Variants in CSMD1 observed in about 807,000 individuals in gnomAD.
CSMD1 encodes CUB and sushi domain-containing protein 1.
In CSMD1, 213 loss-of-function variants were observed where a neutral mutation model predicts 417.5. That is an observed-to-expected ratio of 0.51 (90% CI 0.46 to 0.57). CSMD1 has a LOEUF of 0.57. CSMD1 is among the 20% of genes least tolerant of loss of function. CSMD1 has a pLI of 0.00. For synonymous variants in CSMD1, 2,862 were observed against 1,736.8 expected (o/e 1.65, Z -16.11); for missense variants, 6,923 against 4,529.7 (o/e 1.53, Z -15.17).
intron 2 of CSMD1, among the ~76,000 whole-genome samples, chr8:4,454,696 T>G (rs1799364392): frequency 1.3e-5 from 2 of 152,246 alleles, no homozygotes; most frequent in Admixed American, 1.3e-4. Flanking sequence ...ACATAGCAGC[T>G]AATCAACCTG....
chr8:3,673,132 G>A (rs1799167525), intron 7 of CSMD1, among the ~76,000 whole-genome samples: 1 of 152,154 alleles, frequency 6.6e-6, no homozygotes, highest in Non-Finnish European at 1.5e-5. Context: ...TACAGAGTAG[G>A]AAGATATTAA....
chr8:4,161,822 T>G (rs1358057707), intron 3 of CSMD1, among the ~76,000 whole-genome samples: 2 of 152,234 alleles, frequency 1.3e-5, no homozygotes, highest in African/African-American at 4.8e-5. Flanking sequence ...CATAATCTGC[T>G]ATATGATATG....
intron 2 of CSMD1, among the ~76,000 whole-genome samples, chr8:4,535,009 C>T (rs973232913): frequency 5.9e-5 from 9 of 152,186 alleles, no homozygotes; most frequent in Non-Finnish European, 8.8e-5. Flanking sequence ...GATCTGCCTG[C>T]CTCAGCCTCC....
At chr8:3,498,271 C>G (rs912786410) in intron 10 of CSMD1, among the ~76,000 whole-genome samples, 8 of 152,130 alleles carry the variant, frequency 5.3e-5, no homozygotes, top group African/African-American at 1.7e-4. Flanking sequence ...ATTTATATTG[C>G]TATATCAAGG....
chr8:4,291,636 A>G (rs565595889), intron 3 of CSMD1, among the ~76,000 whole-genome samples: 37 of 152,196 alleles, frequency 2.4e-4, no homozygotes, highest in Non-Finnish European at 4.7e-4. Flanking sequence ...TTCTTAAATT[A>G]TAGCCGCAAT....
chr8:4,010,372 G>A (rs1041636636), intron 4 of CSMD1, among the ~76,000 whole-genome samples: 1 of 151,956 alleles, frequency 6.6e-6, no homozygotes. Flanking sequence ...TTTAAACTTC[G>A]GGCCCTCTGT....
At chr8:3,690,826 A>T (rs1277077094) in intron 7 of CSMD1, among the ~76,000 whole-genome samples, 1 of 152,222 alleles carries the variant, frequency 6.6e-6, no homozygotes, top group East Asian at 1.9e-4. Context: ...TAAACTAGCA[A>T]AATTGAGGTT....
chr8:3,332,992 G>A (rs964206020), intron 23 of CSMD1, among the ~76,000 whole-genome samples: 4 of 152,212 alleles, frequency 2.6e-5, no homozygotes, highest in Non-Finnish European at 4.4e-5. Flanking sequence ...TTGAAAGAGG[G>A]TCTGGCCTCC....
In CSMD1 at chr8:3,290,565, G is replaced by A. The variant is rs937323699; in HGVS notation, c.3951-6219C>T. On this transcript the variant is annotated intron_variant, in intron 25 of 69. Transcript: ENST00000635120. Reference sequence around the variant, plus strand: ...CATCCCTTGTAAGTTGGATTGCTAGGTATTTTGTTCTCTTTGAAGCAATTG... The same window carrying A: ...CATCCCTTGTAAGTTGGATTGCTAGATATTTTGTTCTCTTTGAAGCAATTG... Among the ~76,000 whole-genome samples, 4 of 146,090 alleles carry A rather than the reference G, an allele frequency of 2.7e-5. 1 individual carries two copies. Among genetic ancestry groups the A allele is most frequent in the African/African-American group, 8.3e-5 (3 of 36,222 alleles).
At chr8:4,978,298 G>A (rs1810681909) in intron 1 of CSMD1, among the ~76,000 whole-genome samples, 2 of 152,104 alleles carry the variant, frequency 1.3e-5, no homozygotes, top group South Asian at 2.1e-4. Flanking sequence ...TTCAACTCAA[G>A]GGTCCCTCTA....
intron 50 of CSMD1, among the ~76,000 whole-genome samples, chr8:3,034,769 G>A (rs1465001815): frequency 1.3e-5 from 2 of 152,094 alleles, no homozygotes; most frequent in Non-Finnish European, 2.9e-5. Flanking sequence ...AGTCTATAGG[G>A]ACATTTTCAT....
At chr8:4,417,289 A>T (rs189383321) in intron 3 of CSMD1, among the ~76,000 whole-genome samples, 5 of 152,180 alleles carry the variant, frequency 3.3e-5, no homozygotes, top group Admixed American at 1.3e-4. Flanking sequence ...CTCATTATGT[A>T]GCTTAATAGT....
chr8:4,407,376 G>A (rs1805104575), intron 3 of CSMD1, among the ~76,000 whole-genome samples: 1 of 152,148 alleles, frequency 6.6e-6, no homozygotes, highest in Non-Finnish European at 1.5e-5. Flanking sequence ...TATGACTCTT[G>A]TTTAACAGGC....
intron 3 of CSMD1, among the ~76,000 whole-genome samples, chr8:4,192,688 C>G (rs1051696605): frequency 8.5e-5 from 13 of 152,286 alleles, no homozygotes; most frequent in African/African-American, 2.6e-4. Flanking sequence ...AATCTTAAAT[C>G]TGTATTGCTC....
At chr8:3,846,053 G>C (rs1342568794) in intron 5 of CSMD1, among the ~76,000 whole-genome samples, 12 of 150,528 alleles carry the variant, frequency 8.0e-5, no homozygotes, top group Non-Finnish European at 1.3e-4. Flanking sequence ...CTGCTTTACA[G>C]TTAAAATTAA....
At chr8:3,844,248 G>C (rs1050947783) in intron 5 of CSMD1, among the ~76,000 whole-genome samples, 2 of 152,162 alleles carry the variant, frequency 1.3e-5, no homozygotes, top group Non-Finnish European at 2.9e-5. Flanking sequence ...TCTGTTGAGA[G>C]CAAGTTCCTG....
chr8:3,443,665 T>C (rs1479829688), intron 12 of CSMD1, among the ~76,000 whole-genome samples: 3 of 152,212 alleles, frequency 2.0e-5, no homozygotes, highest in Admixed American at 2.0e-4. Context: ...AATCTTTGTA[T>C]ATCACAATAA....
At chr8:4,752,806 T>C (rs1811417653) in intron 1 of CSMD1, among the ~76,000 whole-genome samples, 1 of 152,142 alleles carries the variant, frequency 6.6e-6, no homozygotes, top group African/African-American at 2.4e-5. Context: ...CATCAGTACC[T>C]GGAGAAAGAA....
At chr8:4,187,334 A>G (rs1798741688) in intron 3 of CSMD1, among the ~76,000 whole-genome samples, 1 of 152,156 alleles carries the variant, frequency 6.6e-6, no homozygotes, top group African/African-American at 2.4e-5. Flanking sequence ...AATGGTTTTA[A>G]CTGACACAGG....
Sources: gnomAD v4.1 joint callset for allele counts (sites outside exome capture counted in the v4.1 genomes callset) on GRCh38, gnomAD v4.1.1 for gene constraint, MANE v1.5 for transcripts, NCBI Gene and HGNC (gene_info 2026-07-23, HGNC 2026-07-21) for gene names.